Variants in HS6ST2 observed in about 807,000 individuals in gnomAD.
HS6ST2 encodes heparan sulfate 6-O-sulfotransferase 2.
Under a neutral mutation model 33.0 loss-of-function variants are expected in HS6ST2, and 17 were observed. That is an observed-to-expected ratio of 0.52 (90% CI 0.35 to 0.77). The LOEUF is 0.77. HS6ST2 is among the 30% of genes least tolerant of loss of function. The pLI, the probability that HS6ST2 is intolerant of heterozygous loss-of-function variation, is 0.01. For synonymous variants in HS6ST2, 248 were observed against 237.1 expected (o/e 1.05, Z -0.42); for missense variants, 519 against 551.7 (o/e 0.94, Z 0.59).
rs933414574 is a variant in HS6ST2, at chrX:132,682,885, C to T, written c.981-13686G>A. On this transcript the variant is annotated intron_variant, in intron 3 of 4. Transcript: ENST00000370833. ...CTTTGGGTGGCTGATGCAGGATGAT[C>T]GCTTGAGCTCAGGTGTTCAAGACAA... 8.1e-5 allele frequency among the ~76,000 whole-genome samples: 9 copies of T among 110,545 alleles called. No individual in the cohort carries two copies. The Admixed American group carries it at 8.7e-4, about 11-fold the overall frequency.
chrX:132,753,661 G>A (rs1226137989), intron 2 of HS6ST2, among the ~76,000 whole-genome samples: 1 of 111,658 alleles, frequency 9.0e-6, no homozygotes, highest in Non-Finnish European at 1.9e-5. Context: ...CCAGTTTCGG[G>A]TATGTCTTTA....
intron 4 of HS6ST2, among the ~76,000 whole-genome samples, chrX:132,649,256 T>G (rs1048590963): frequency 8.9e-5 from 10 of 111,783 alleles, no homozygotes; most frequent in African/African-American, 2.3e-4. Context: ...TTGGTGGCAT[T>G]CAGCATGTGG....
rs7058765 is a variant in HS6ST2, at chrX:132,958,157, C to T, written c.428+18G>A. The T allele has an allele frequency of 1.8e-6, 2 of 1,112,197 alleles. No homozygotes were observed. Among genetic ancestry groups the T allele is most frequent in the South Asian group, 4.5e-5 (2 of 44,722 alleles). The allele number at this position is 1,112,197 out of a possible 1,213,427, so 91.7% of individuals were successfully genotyped here. A position where few individuals can be genotyped will look rare whatever the true frequency, so the allele number is the denominator to read the frequency against. ...CCCTGGCCTGGGAGCGCGAACCCCG[C>T]TTTCACCTAGAACGTACCTGGCCAT... On this transcript the variant is annotated intron_variant, in intron 1 of 4. Coordinates refer to ENST00000370833, the MANE Select transcript of HS6ST2 (RefSeq NM_001394073.1).
At chrX:132,803,386 G>T (rs1008854220) in intron 2 of HS6ST2, among the ~76,000 whole-genome samples, 3 of 111,472 alleles carry the variant, frequency 2.7e-5, no homozygotes, top group African/African-American at 9.8e-5. Flanking sequence ...AGAAAATGGG[G>T]TGTGAAGGCA....
intron 2 of HS6ST2, among the ~76,000 whole-genome samples, chrX:132,819,113 C>G (rs1213086540): frequency 9.0e-6 from 1 of 110,786 alleles, no homozygotes; most frequent in Non-Finnish European, 1.9e-5. Context: ...AGTAATGCCC[C>G]CATTGTCCCC....
intron 2 of HS6ST2, among the ~76,000 whole-genome samples, chrX:132,917,463 G>T (rs1297545854): frequency 9.0e-6 from 1 of 110,771 alleles, no homozygotes; most frequent in African/African-American, 3.3e-5. Flanking sequence ...AGCGGGGCAT[G>T]GTGGTGTGTG....
chrX:132,939,685 A>C (rs2066867231), intron 2 of HS6ST2, among the ~76,000 whole-genome samples: 1 of 112,168 alleles, frequency 8.9e-6, no homozygotes, highest in African/African-American at 3.2e-5. Context: ...AAAATGAAAA[A>C]AATTCAATTT....
chrX:132,958,903 A>G (rs932223269), upstream of HS6ST2: 8 of 297,620 alleles, frequency 2.7e-5, no homozygotes, highest in African/African-American at 1.9e-4. Flanking sequence ...AAAAGACAGC[A>G]GGACCAAAAA....
chrX:132,692,561 C>G (rs2064074985), intron 3 of HS6ST2, among the ~76,000 whole-genome samples: 1 of 110,610 alleles, frequency 9.0e-6, no homozygotes, highest in African/African-American at 3.3e-5. Flanking sequence ...TACATATTTT[C>G]TAAATGCCAC....
chrX:132,652,102 C>T (rs1417317685), intron 4 of HS6ST2, among the ~76,000 whole-genome samples: 1 of 111,816 alleles, frequency 8.9e-6, no homozygotes, highest in East Asian at 2.8e-4. Context: ...GTCCTCAGAA[C>T]CTCAAGGAAG....
At chrX:132,647,019 C>T (rs1376622922) in intron 4 of HS6ST2, among the ~76,000 whole-genome samples, 3 of 111,429 alleles carry the variant, frequency 2.7e-5, no homozygotes, top group South Asian at 3.9e-4. Flanking sequence ...CCTCCCACGA[C>T]GTATGGGGAT....
intron 3 of HS6ST2, among the ~76,000 whole-genome samples, chrX:132,691,729 T>C (rs902596739): frequency 8.9e-6 from 1 of 112,316 alleles, no homozygotes; most frequent in Non-Finnish European, 1.9e-5. Context: ...GAGGGCTTTC[T>C]CTATTCTTTA....
chrX:132,727,481 T>C lies in HS6ST2; in HGVS notation c.948-18987A>G, dbSNP rs764508888. Reference sequence around the variant, plus strand: ...CAATAGTATATAACTATTGAGTGTCTACGAGTTATTGGAAGCCCATTTCCC... The same window carrying C: ...CAATAGTATATAACTATTGAGTGTCCACGAGTTATTGGAAGCCCATTTCCC... On this transcript the variant is annotated intron_variant, in intron 2 of 4. Coordinates refer to ENST00000370833, the MANE Select transcript of HS6ST2 (RefSeq NM_001394073.1). 3.3e-3 allele frequency among the ~76,000 whole-genome samples: 370 copies of C among 110,815 alleles called. 1 individual carries two copies. The highest frequency in any genetic ancestry group is 9.3e-3 in the Middle Eastern group (2 of 216).
At chrX:132,651,517 C>T (rs1360168864) in intron 4 of HS6ST2, among the ~76,000 whole-genome samples, 1 of 112,198 alleles carries the variant, frequency 8.9e-6, no homozygotes, top group African/African-American at 3.2e-5. Context: ...GTAAGAAAGG[C>T]TTTGGAAGTC....
intron 2 of HS6ST2, among the ~76,000 whole-genome samples, chrX:132,850,181 TTAGAG>T (rs961897906): frequency 1.8e-5 from 2 of 112,397 alleles, no homozygotes; most frequent in African/African-American, 6.5e-5. Context: ...AAGTTTATTT[TTAGAG>T]TATTTTGTGA....
At chrX:132,805,915 T>C (rs1002216674) in intron 2 of HS6ST2, among the ~76,000 whole-genome samples, 10 of 110,610 alleles carry the variant, frequency 9.0e-5, no homozygotes, top group African/African-American at 3.2e-4. Flanking sequence ...AACAGGATAT[T>C]GTATCTACAT....
intron 2 of HS6ST2, among the ~76,000 whole-genome samples, chrX:132,742,279 G>C (rs59296819): frequency 3.6e-5 from 4 of 112,046 alleles, no homozygotes; most frequent in Non-Finnish European, 7.5e-5. Context: ...CTTGGATTCA[G>C]CTGTTTCTCT....
chrX:132,832,614 GT>G (rs994065120), intron 2 of HS6ST2, among the ~76,000 whole-genome samples: 2 of 111,366 alleles, frequency 1.8e-5, no homozygotes, highest in East Asian at 2.8e-4. Flanking sequence ...CTTTCCAATA[GT>G]TTTTTTATTT....
At position 132,671,123 on chromosome X, in the gene HS6ST2, T is replaced by C. The variant is rs747868876; in HGVS notation, c.981-1924A>G. Among the ~76,000 whole-genome samples the C allele has an allele frequency of 3.5e-5, 4 of 112,689 alleles. No individual in the cohort carries two copies. In the East Asian group the frequency reaches 1.1e-3, roughly 32 times the overall value. On this transcript the variant is annotated intron_variant, in intron 3 of 4. Transcript: ENST00000370833. ...GATGACTTCCTGGCAAAGGATTCCT[T>C]AGGGACCTGAGACCAGGGACCATCC... is the stretch of plus-strand genomic sequence containing the variant.
Sources: allele counts gnomAD v4.1 joint callset (sites outside exome capture counted in the v4.1 genomes callset), GRCh38; gene constraint gnomAD v4.1.1; transcripts MANE v1.5; gene names NCBI Gene and HGNC (gene_info 2026-07-23, HGNC 2026-07-21).